Variants in ZSCAN5A observed in about 807,000 individuals in gnomAD.
ZSCAN5A encodes the protein zinc finger and SCAN domain-containing protein 5A.
ZSCAN5A carries 12 observed loss-of-function variants against 23.7 expected under a neutral mutation model. That is an observed-to-expected ratio of 0.51 (90% CI 0.32 to 0.82). The LOEUF (loss-of-function observed/expected upper bound fraction) is 0.82. ZSCAN5A is among the 40% of genes least tolerant of loss of function. The pLI, the probability that ZSCAN5A is intolerant of heterozygous loss-of-function variation, is 0.03. For missense variants in ZSCAN5A, 597 were observed against 617.9 expected (o/e 0.97, Z 0.36); for synonymous variants, 257 against 239.9 (o/e 1.07, Z -0.66).
chr19:56,350,420 A>G (rs1243537707), intron 2 of ZSCAN5A, among the ~76,000 whole-genome samples: 1 of 152,260 alleles, frequency 6.6e-6, no homozygotes, highest in Non-Finnish European at 1.5e-5. Flanking sequence ...AAGAAGGTTT[A>G]TAAAAGTCAT....
intron 2 of ZSCAN5A, among the ~76,000 whole-genome samples, chr19:56,287,346 C>T (rs530343155): frequency 4.0e-4 from 61 of 152,230 alleles, no homozygotes; most frequent in Non-Finnish European, 7.5e-4. Context: ...AGTCCAGCCT[C>T]GAGCACATGG....
At chr19:56,302,435 CCTTCCT>C (rs2040318506) in intron 2 of ZSCAN5A, among the ~76,000 whole-genome samples, 1 of 108,808 alleles carries the variant, frequency 9.2e-6, no homozygotes, top group African/African-American at 4.1e-5. Context: ...TTTCTCCCTT[CCTTCCT>C]TTCTTCCTCT....
intron 2 of ZSCAN5A, chr19:56,338,545 C>A (rs1413413941): frequency 6.6e-6 from 1 of 152,228 alleles, no homozygotes; most frequent in Non-Finnish European, 1.5e-5. Flanking sequence ...AGGCGGGTTA[C>A]TTTCCAGGAA....
In ZSCAN5A at chr19:56,323,622, C is replaced by T. The variant is rs143730269; in HGVS notation, c.-357-7354G>A. Reference sequence around the variant, plus strand: ...TATGATCTCGGCTCACTGCAACCTCCGCCTCCCGGGTTCAAGCGATTCTCC... The same window carrying T: ...TATGATCTCGGCTCACTGCAACCTCTGCCTCCCGGGTTCAAGCGATTCTCC... On this transcript the variant is annotated intron_variant, in intron 2 of 6. Transcript: ENST00000587340. Among the ~76,000 whole-genome samples, 763 of 150,842 alleles carry T rather than the reference C, an allele frequency of 5.1e-3. 4 individuals carry two copies. Among genetic ancestry groups the T allele is most frequent in the Non-Finnish European group, 8.5e-3 (578 of 67,716 alleles).
At chr19:56,321,123 C>T (rs1021069444) in intron 2 of ZSCAN5A, 49 of 675,978 alleles carry the variant, frequency 7.2e-5, no homozygotes, top group Non-Finnish European at 8.9e-5. Flanking sequence ...TACTGCTCCA[C>T]GCTGCTAGGA....
At chr19:56,301,746 A>C (rs1323585704) in intron 2 of ZSCAN5A, among the ~76,000 whole-genome samples, 1 of 152,126 alleles carries the variant, frequency 6.6e-6, no homozygotes, top group East Asian at 1.9e-4. Context: ...CTTGGATGTG[A>C]GGTGGGAGAG....
chr19:56,272,521 C>A (rs1300079585), intron 2 of ZSCAN5A, among the ~76,000 whole-genome samples: 1 of 152,104 alleles, frequency 6.6e-6, no homozygotes, highest in African/African-American at 2.4e-5. Flanking sequence ...AAAAAGGTAA[C>A]AATTACTCTT....
intron 2 of ZSCAN5A, among the ~76,000 whole-genome samples, chr19:56,326,380 A>G (rs1040522930): frequency 6.6e-6 from 1 of 151,888 alleles, no homozygotes; most frequent in Non-Finnish European, 1.5e-5. Context: ...TCAAGTACAC[A>G]TTAGGATTCT....
At chr19:56,228,535 T>C (rs1341833380) in intron 2 of ZSCAN5A, 1 of 837,808 alleles carries the variant, frequency 1.2e-6, no homozygotes, top group South Asian at 5.4e-5. Context: ...AAGTATTTGG[T>C]GGCCTCAGAA....
intron 2 of ZSCAN5A, among the ~76,000 whole-genome samples, chr19:56,237,811 G>C (rs2035049729): frequency 6.6e-6 from 1 of 151,986 alleles, no homozygotes; most frequent in Non-Finnish European, 1.5e-5. Flanking sequence ...CAGCTGCTTG[G>C]GAGGAAGAGG....
At chr19:56,344,337 A>G (rs1028435186) in intron 2 of ZSCAN5A, among the ~76,000 whole-genome samples, 1 of 152,252 alleles carries the variant, frequency 6.6e-6, no homozygotes, top group South Asian at 2.1e-4. Flanking sequence ...TATTAAACCA[A>G]TATCAATGTC....
chr19:56,300,926 C>T (rs569020594), intron 2 of ZSCAN5A, among the ~76,000 whole-genome samples: 7 of 152,260 alleles, frequency 4.6e-5, no homozygotes, highest in African/African-American at 1.2e-4. Flanking sequence ...GCGACACGGT[C>T]GGATCTGGTG....
At chr19:56,366,646 C>T (rs747661338) in intron 1 of ZSCAN5A, among the ~76,000 whole-genome samples, 1 of 152,174 alleles carries the variant, frequency 6.6e-6, no homozygotes, top group Non-Finnish European at 1.5e-5. Context: ...TCTAACCAAT[C>T]AAGTATTTTC....
intron 2 of ZSCAN5A, among the ~76,000 whole-genome samples, chr19:56,230,239 C>G (rs1600013073): frequency 6.6e-6 from 1 of 152,194 alleles, no homozygotes. Context: ...GCACACGCCA[C>G]CATGCCCGGT....
chr19:56,336,919 C>T (rs2041543239), intron 2 of ZSCAN5A, among the ~76,000 whole-genome samples: 2 of 152,208 alleles, frequency 1.3e-5, no homozygotes, highest in Non-Finnish European at 2.9e-5. Context: ...ACCGCAAATG[C>T]TGCTGCCTGA....
intron 1 of ZSCAN5A, among the ~76,000 whole-genome samples, chr19:56,366,376 T>C (rs1038409383): frequency 3.3e-5 from 5 of 150,318 alleles, no homozygotes; most frequent in Non-Finnish European, 5.9e-5. Context: ...TGAGCCGAGA[T>C]TGTGCCATTG....
chr19:56,293,006 C>A (rs2039621087), intron 2 of ZSCAN5A, among the ~76,000 whole-genome samples: 1 of 152,184 alleles, frequency 6.6e-6, no homozygotes, highest in African/African-American at 2.4e-5. Context: ...CGGCTGAGGA[C>A]ACACTCTTCT....
At chr19:56,363,713 CTG>C (rs1282959052) in intron 1 of ZSCAN5A, among the ~76,000 whole-genome samples, 1 of 152,188 alleles carries the variant, frequency 6.6e-6, no homozygotes, top group Non-Finnish European at 1.5e-5. Context: ...CTTTAGGACT[CTG>C]TGAACATTTG....
intron 2 of ZSCAN5A, among the ~76,000 whole-genome samples, chr19:56,350,795 T>C (rs1173679419): frequency 6.6e-6 from 1 of 152,112 alleles, no homozygotes; most frequent in Non-Finnish European, 1.5e-5. Context: ...TCTTGTAAAA[T>C]TTATATTTTT....
Sources: allele counts gnomAD v4.1 joint callset (sites outside exome capture counted in the v4.1 genomes callset), GRCh38; gene constraint gnomAD v4.1.1; transcripts MANE v1.5; gene names NCBI Gene and HGNC (gene_info 2026-07-23, HGNC 2026-07-21).